Variants in CLSTN1 observed in about 807,000 individuals in gnomAD.
CLSTN1 encodes calsyntenin 1, also known as calsyntenin-1.
A neutral mutation model predicts 108.3 loss-of-function variants in CLSTN1; 28 were observed. The ratio of observed to expected loss-of-function variants is 0.26; its 90% CI spans 0.19 to 0.35. CLSTN1 has a LOEUF of 0.35. Among genes scored for constraint, CLSTN1 ranks in the 10% least tolerant of loss-of-function variants. The probability of loss-of-function intolerance (pLI) is 1.00; values close to 1 mark genes in which losing one functional copy is unlikely to be tolerated. For synonymous variants in CLSTN1, 524 were observed against 534.9 expected, an observed-to-expected ratio of 0.98 and a Z score of 0.28; for missense variants, 1,157 against 1,302.6, an observed-to-expected ratio of 0.89 and a Z score of 1.72.
Position 9,744,558 on chromosome 1 carries a change from G to A in CLSTN1, c.1071C>T (p.His357=), listed in dbSNP as rs535575565. 2.2e-4 allele frequency: 352 copies of A among 1,613,576 alleles called. 4 individuals carry two copies. In the South Asian group the frequency reaches 2.8e-3, roughly 13 times the overall value. Residue 357 remains histidine, a synonymous_variant, in exon 8 of 19, where the codon CAC becomes CAT. Transcript: ENST00000377298. The stretch of plus-strand genomic sequence containing the variant: ...TGAACTCAAACACCTGGTCGCTGTC[G>A]TGGCCATTGTCGGTGGGCAGGCCCA... ...WTMGLPTDNG[H]DSDQVFEFNG...
intron 1 of CLSTN1, among the ~76,000 whole-genome samples, chr1:9,794,992 T>C (rs932713896): frequency 1.3e-5 from 2 of 150,144 alleles, no homozygotes; most frequent in Non-Finnish European, 2.9e-5. Flanking sequence ...CTGACTAGGA[T>C]TGTCTAATAA....
intron 7 of CLSTN1, among the ~76,000 whole-genome samples, chr1:9,745,350 C>T (rs895882706): frequency 7.2e-5 from 11 of 152,010 alleles, no homozygotes; most frequent in African/African-American, 1.9e-4. Flanking sequence ...AAAAATGATG[C>T]GTTTTCTTAG....
intron 10 of CLSTN1, among the ~76,000 whole-genome samples, chr1:9,738,168 G>C (rs1650791176): frequency 6.6e-6 from 1 of 152,206 alleles, no homozygotes. Context: ...CAGAGGCTAA[G>C]GAACCCACCT....
chr1:9,738,108 C>A (rs773347541), intron 10 of CLSTN1, among the ~76,000 whole-genome samples: 1 of 152,222 alleles, frequency 6.6e-6, no homozygotes, highest in African/African-American at 2.4e-5. Context: ...CTTTGGGCGA[C>A]AGAGGAAAGA....
At chr1:9,781,062 A>G in intron 1 of CLSTN1, 1 of 642,940 alleles carries the variant, frequency 1.6e-6, no homozygotes, top group East Asian at 2.6e-5. Flanking sequence ...TCCAACCTGT[A>G]CTAATCACAC....
rs767080492 is a variant in CLSTN1, at chr1:9,743,945, C to T, written c.1295G>A (p.Arg432His). The T allele has an allele frequency of 4.3e-5, 70 of 1,613,988 alleles. No homozygotes were observed. The highest frequency in any genetic ancestry group is 6.6e-5 in the South Asian group (6 of 91,082). Residue 432 changes from arginine to histidine, a missense_variant, in exon 9 of 19, where the codon CGT becomes CAT. Transcript: ENST00000377298. ...VHGCRLIFLF[R>H]QDPSEEKKYR... Reference sequence around the variant, plus strand: ...TTTCTTCTCCTCAGAAGGATCCTGACGGAAGAGGAAGATCAGCCGGCACCC... The same window carrying T: ...TTTCTTCTCCTCAGAAGGATCCTGATGGAAGAGGAAGATCAGCCGGCACCC...
Position 9,823,450 on chromosome 1 carries a change from G to A in CLSTN1, c.91+193C>T, listed in dbSNP as rs1655270871. On this transcript the variant is annotated intron_variant, in intron 1 of 18. Coordinates refer to ENST00000377298, the MANE Select transcript of CLSTN1 (RefSeq NM_001009566.3). This position sits in a 1 kb window ranked among gnomAD's most constrained non-coding sequence, Gnocchi z 6.3. ...GCCCTGGCCCCGGCTCCGCGAGCCC[G>A]ACCCCCAACCCGAACCCCACGCCCT... Among the ~76,000 whole-genome samples the A allele has an allele frequency of 6.6e-6, 1 of 151,944 alleles. No individual in the cohort carries two copies. The highest frequency in any genetic ancestry group is 2.4e-5 in the African/African-American group (1 of 41,374).
At chr1:9,792,212 AC>A (rs1288593011) in intron 1 of CLSTN1, among the ~76,000 whole-genome samples, 4 of 150,958 alleles carry the variant, frequency 2.6e-5, no homozygotes, top group Middle Eastern at 3.4e-3. Flanking sequence ...AACAACAACA[AC>A]AAAAAAAACA....
chr1:9,773,609 T>C (rs1652794890), intron 1 of CLSTN1, among the ~76,000 whole-genome samples: 1 of 151,848 alleles, frequency 6.6e-6, no homozygotes, highest in South Asian at 2.1e-4. Flanking sequence ...TCTGAATCCA[T>C]GAAGCAACCA....
Position 9,823,543 on chromosome 1 carries a change from T to C in CLSTN1, c.91+100A>G. ...CTCGAATCCCGGCATCCGGCCCTAC[T>C]CCCGCACCCGGACCCGAATCCCCGC... On this transcript the variant is annotated intron_variant, in intron 1 of 18. Transcript: ENST00000377298. The surrounding 1 kb of genome is among the most constrained non-coding windows in gnomAD (Gnocchi z 6.3). 1.3e-6 allele frequency: 1 copy of C among 744,844 alleles called. No individual in the cohort carries two copies. The highest frequency in any genetic ancestry group is 1.7e-6 in the Non-Finnish European group (1 of 585,728). 46.1% of individuals were successfully genotyped at this position (744,844 alleles called of 1,614,324 possible). A position where few individuals can be genotyped will look rare whatever the true frequency, so the allele number is the denominator to read the frequency against.
rs1471801361 is a variant in CLSTN1, at chr1:9,729,562, C to T, written c.*946G>A. On this transcript the variant is annotated 3_prime_UTR_variant, in exon 19 of 19. Transcript: ENST00000377298. ...GCCGTCTCCAAAAGGAGTGGTCAGC[C>T]GGTCTGCAGGACACCTCTCAGTTTC... is the stretch of plus-strand genomic sequence containing the variant. 2.0e-5 allele frequency: 3 copies of T among 152,658 alleles called. No homozygotes were observed. The highest frequency in any genetic ancestry group is 4.4e-5 in the Non-Finnish European group (3 of 68,090). 9.5% of individuals were successfully genotyped at this position (152,658 alleles called of 1,614,324 possible). A position where few individuals can be genotyped will look rare whatever the true frequency, so the allele number is the denominator to read the frequency against.
At position 9,741,196 on chromosome 1, in the gene CLSTN1, A is replaced by G; in HGVS notation, c.1417T>C (p.Tyr473His). 2 of 1,613,860 alleles carry G rather than the reference A, an allele frequency of 1.2e-6. No homozygotes were observed. Among genetic ancestry groups the G allele is most frequent in the Non-Finnish European group, 8.5e-7 (1 of 1,179,792 alleles). ...LNVEFPSVTLYVDGTSHEPFS... is the reference protein window; with the variant it reads ...LNVEFPSVTLHVDGTSHEPFS... ...GGCTCGTGGGACGTGCCATCCACAT[A>G]GAGAGTCACACTCGGGAATTCTACA... The change falls in exon 10 of 19, where the codon TAT becomes CAT. Residue 473 changes from tyrosine (Y) to histidine (H), a missense_variant. Physicochemically the swap from Tyr to His is moderately conservative, Grantham distance 83. Transcript: ENST00000377298.
Position 9,734,198 on chromosome 1 carries a change from C to CG in CLSTN1, c.2111-57dup. On this transcript the variant is annotated intron_variant, in intron 14 of 18. Transcript: ENST00000377298. The surrounding 1 kb of genome is among the most constrained non-coding windows in gnomAD (Gnocchi z 4.8). ...GTAGGGGCAGTGGGGCCCAGCGTGGCGGGGCACACTGGATGCCCTGCCGGC... is the reference window on the plus strand; with the variant it reads ...GTAGGGGCAGTGGGGCCCAGCGTGGCGGGGGCACACTGGATGCCCTGCCGGC... 1 of 1,568,500 alleles carries CG rather than the reference C, an allele frequency of 6.4e-7. No homozygotes were observed. The highest frequency in any genetic ancestry group is 2.2e-5 in the East Asian group (1 of 44,562).
At chr1:9,736,312 G>A (rs949660349) in intron 11 of CLSTN1, among the ~76,000 whole-genome samples, 1 of 152,134 alleles carries the variant, frequency 6.6e-6, no homozygotes, top group African/African-American at 2.4e-5. Flanking sequence ...CACACCTCTG[G>A]CCACTACCTG....
chr1:9,791,762 G>A (rs1173090639), intron 1 of CLSTN1, among the ~76,000 whole-genome samples: 1 of 150,948 alleles, frequency 6.6e-6, no homozygotes, highest in East Asian at 2.0e-4. Context: ...TTGAACTCCT[G>A]ACCTTAAGTG....
At chr1:9,806,691 A>G (rs1654521942) in intron 1 of CLSTN1, among the ~76,000 whole-genome samples, 1 of 152,080 alleles carries the variant, frequency 6.6e-6, no homozygotes, top group Non-Finnish European at 1.5e-5. Context: ...CATCCTGGCT[A>G]ACATGGTGAA....
intron 7 of CLSTN1, among the ~76,000 whole-genome samples, chr1:9,746,724 A>G (rs934514199): frequency 4.0e-5 from 6 of 151,672 alleles, no homozygotes; most frequent in African/African-American, 1.5e-4. Flanking sequence ...AAGAAAAAAA[A>G]AAACCACACA....
chr1:9,778,176 T>C (rs2101178756), intron 1 of CLSTN1, among the ~76,000 whole-genome samples: 1 of 151,640 alleles, frequency 6.6e-6, no homozygotes, highest in African/African-American at 2.4e-5. Flanking sequence ...GAAGAGTGTC[T>C]GGCACTCAGT....
At position 9,734,317 on chromosome 1, in the gene CLSTN1, G is replaced by A. The variant is rs1650568410; in HGVS notation, c.2111-175C>T. Among the ~76,000 whole-genome samples the A allele has an allele frequency of 6.6e-6, 1 of 152,196 alleles. No individual in the cohort carries two copies. The highest frequency in any genetic ancestry group is 1.5e-5 in the Non-Finnish European group (1 of 68,038). ...CGGCTGGGCGCAGTGGCTCACGCCT[G>A]TAATCCCAGCACTTTGGGAGGCCAA... On this transcript the variant is annotated intron_variant, in intron 14 of 18. Transcript: ENST00000377298. The surrounding 1 kb of genome is among the most constrained non-coding windows in gnomAD (Gnocchi z 4.8).
Sources: allele counts gnomAD v4.1 joint callset (sites outside exome capture counted in the v4.1 genomes callset), GRCh38; gene constraint gnomAD v4.1.1; non-coding constraint Gnocchi (gnomAD v3.1); transcripts MANE v1.5; gene names NCBI Gene and HGNC (gene_info 2026-07-23, HGNC 2026-07-21).